Variants in TMEM229B observed in about 807,000 individuals in gnomAD.
TMEM229B encodes chromosome 14 open reading frame 83.
Under a neutral mutation model 13.7 loss-of-function variants are expected in TMEM229B, and 6 were observed. The ratio of observed to expected loss-of-function variants is 0.44; its 90% CI spans 0.24 to 0.86. The LOEUF (loss-of-function observed/expected upper bound fraction) is 0.86, where lower values mean the gene tolerates loss of function less well. Among genes scored for constraint, TMEM229B ranks in the 40% least tolerant of loss-of-function variants. TMEM229B has a pLI of 0.23. For synonymous variants in TMEM229B, 107 were observed against 102.1 expected (o/e 1.05, Z -0.29); for missense variants, 170 against 236.0 (o/e 0.72, Z 1.83).
chr14:67,495,054 T>A (rs2032313239), intron 1 of TMEM229B, among the ~76,000 whole-genome samples: 1 of 152,216 alleles, frequency 6.6e-6, no homozygotes, highest in Non-Finnish European at 1.5e-5. Flanking sequence ...AACTTTTCTG[T>A]ACATTTGAAA....
In TMEM229B at chr14:67,473,185, C is replaced by G; in HGVS notation, c.*235G>C. ...TGGTACCAACCCCTGAACTGGGCCG[C>G]GATCCATGGACCCTTCCCAATGTCC... On this transcript the variant is annotated 3_prime_UTR_variant, in exon 3 of 3. Transcript: ENST00000554480. This position sits in a 1 kb window ranked among gnomAD's most constrained non-coding sequence, Gnocchi z 6.5. 1 of 564,592 alleles carries G rather than the reference C, an allele frequency of 1.8e-6. No homozygotes were observed. Among genetic ancestry groups the G allele is most frequent in the Non-Finnish European group, 3.1e-6 (1 of 321,306 alleles). The allele number at this position is 564,592 out of a possible 1,614,324, so 35.0% of individuals were successfully genotyped here. A position where few individuals can be genotyped will look rare whatever the true frequency, so the allele number is the denominator to read the frequency against.
chr14:67,483,218 C>T (rs2031690395), intron 2 of TMEM229B, among the ~76,000 whole-genome samples: 1 of 152,062 alleles, frequency 6.6e-6, no homozygotes, highest in Non-Finnish European at 1.5e-5. Context: ...ACCATGTTGG[C>T]CAGGCTGGTC....
At chr14:67,516,933 G>A (rs1025471360), upstream of TMEM229B, among the ~76,000 whole-genome samples, 1 of 152,190 alleles carries the variant, frequency 6.6e-6, no homozygotes, top group African/African-American at 2.4e-5. Flanking sequence ...TTCCTTTTCT[G>A]TAATTTGGAG....
At chr14:67,523,328 A>C (rs1298193362) in intron 1 of TMEM229B, among the ~76,000 whole-genome samples, 1 of 152,052 alleles carries the variant, frequency 6.6e-6, no homozygotes, top group Non-Finnish European at 1.5e-5. Flanking sequence ...ATCTCAAAAA[A>C]AAAAAAAAGA....
intron 1 of TMEM229B, among the ~76,000 whole-genome samples, chr14:67,532,583 T>C (rs1181737265): frequency 6.6e-6 from 1 of 152,126 alleles, no homozygotes; most frequent in Non-Finnish European, 1.5e-5. Context: ...TGGGCCCTCC[T>C]TTAAAATAAC....
chr14:67,528,305 G>A (rs1337310997), intron 1 of TMEM229B, among the ~76,000 whole-genome samples: 2 of 152,178 alleles, frequency 1.3e-5, no homozygotes, highest in East Asian at 3.9e-4. Context: ...GTCTACAGCG[G>A]CCACACATGT....
intron 1 of TMEM229B, among the ~76,000 whole-genome samples, chr14:67,531,908 T>A (rs1434781269): frequency 4.6e-5 from 4 of 86,630 alleles, no homozygotes; most frequent in African/African-American, 2.3e-4. Context: ...AGAACCTATG[T>A]CCAAAAAAAA....
intron 1 of TMEM229B, among the ~76,000 whole-genome samples, chr14:67,502,479 G>A (rs1000573438): frequency 7.6e-6 from 1 of 132,192 alleles, no homozygotes; most frequent in Non-Finnish European, 1.6e-5. Flanking sequence ...TTGAGACTGA[G>A]TTTTGCTTTG....
upstream of TMEM229B, among the ~76,000 whole-genome samples, chr14:67,493,487 C>T (rs555715434): frequency 7.9e-5 from 12 of 152,318 alleles, no homozygotes; most frequent in Middle Eastern, 3.4e-3. Context: ...CTCTCGTGAT[C>T]GTAACTGACA....
chr14:67,486,626 G>C (rs958026764), intron 2 of TMEM229B, among the ~76,000 whole-genome samples: 8 of 152,096 alleles, frequency 5.3e-5, no homozygotes, highest in African/African-American at 1.9e-4. Flanking sequence ...CTTTCTGCTT[G>C]CTACCAACCT....
chr14:67,476,404 T>C (rs1027601217), intron 2 of TMEM229B, among the ~76,000 whole-genome samples: 5 of 151,968 alleles, frequency 3.3e-5, no homozygotes, highest in Admixed American at 3.3e-4. Flanking sequence ...CTGGCCGACA[T>C]GGTGAAACCC....
At position 67,532,298 on chromosome 14, in the gene TMEM229B, C is replaced by A. The variant is rs749715084; in HGVS notation, c.-192+1338G>T. Among the ~76,000 whole-genome samples, 14 of 152,222 alleles carry A rather than the reference C, an allele frequency of 9.2e-5. No homozygotes were observed. In the South Asian group the frequency reaches 2.3e-3, roughly 25 times the overall value. On this transcript the variant is annotated intron_variant, in intron 1 of 2. Coordinates refer to the TMEM229B transcript ENST00000554278. ...TCCAAGGACCATTTGGAGAAACAGG[C>A]GCTGATGGTATTTTGCTTCTGTTCA...
chr14:67,511,030 C>T (rs946358926), intron 1 of TMEM229B, among the ~76,000 whole-genome samples: 2 of 152,104 alleles, frequency 1.3e-5, no homozygotes, highest in Non-Finnish European at 2.9e-5. Context: ...TGGCTGGCAT[C>T]CCTAGCTCCT....
intron 1 of TMEM229B, among the ~76,000 whole-genome samples, chr14:67,498,198 T>C (rs2032466801): frequency 6.6e-6 from 1 of 152,150 alleles, no homozygotes; most frequent in African/African-American, 2.4e-5. Flanking sequence ...CTCATAATCT[T>C]TTATTACCCA....
Position 67,473,386 on chromosome 14 carries a change from T to C in TMEM229B, c.*34A>G. 1.2e-6 allele frequency: 2 copies of C among 1,604,362 alleles called. No homozygotes were observed. The highest frequency in any genetic ancestry group is 1.7e-5 in the Admixed American group (1 of 59,284). On this transcript the variant is annotated 3_prime_UTR_variant, in exon 3 of 3. Transcript: ENST00000554480. The surrounding 1 kb of genome is among the most constrained non-coding windows in gnomAD (Gnocchi z 6.5). ...TTGGTCTCTTTGTCCATGAGTTCCATGAGAGATCCCCAGGCCCCCCACCCG... is the reference window on the plus strand; with the variant it reads ...TTGGTCTCTTTGTCCATGAGTTCCACGAGAGATCCCCAGGCCCCCCACCCG...
chr14:67,489,339 C>A (rs2032058614), upstream of TMEM229B, among the ~76,000 whole-genome samples: 1 of 152,244 alleles, frequency 6.6e-6, no homozygotes. Context: ...CCACCCAAAT[C>A]TCATCCTTAA....
At chr14:67,484,899 A>G (rs910140191) in intron 2 of TMEM229B, among the ~76,000 whole-genome samples, 2 of 152,208 alleles carry the variant, frequency 1.3e-5, no homozygotes, top group Non-Finnish European at 2.9e-5. Context: ...TTTACTTGTC[A>G]TAACTGTTTT....
chr14:67,477,466 A>G (rs1342973303), intron 2 of TMEM229B, among the ~76,000 whole-genome samples: 1 of 152,154 alleles, frequency 6.6e-6, no homozygotes, highest in Non-Finnish European at 1.5e-5. Flanking sequence ...GAATTTCTAC[A>G]GCACTTACTC....
Position 67,470,729 on chromosome 14 carries a change from G to A in TMEM229B, c.*2691C>T, listed in dbSNP as rs2030657007. The A allele has an allele frequency of 6.6e-6, 1 of 152,446 alleles. No homozygotes were observed. The highest frequency in any genetic ancestry group is 6.6e-5 in the Admixed American group (1 of 15,250). 9.4% of individuals were successfully genotyped at this position (152,446 alleles called of 1,614,324 possible). ...TGTGACTCACTGGCATTGAAGAGGGGACAGGGCACATGGGATGCCTAGCAG... is the reference window on the plus strand; with the variant it reads ...TGTGACTCACTGGCATTGAAGAGGGAACAGGGCACATGGGATGCCTAGCAG... On this transcript the variant is annotated 3_prime_UTR_variant, in exon 3 of 3. Coordinates refer to ENST00000554480, the MANE Select transcript of TMEM229B (RefSeq NM_001348543.2).
Sources: allele counts gnomAD v4.1 joint callset (sites outside exome capture counted in the v4.1 genomes callset), GRCh38; gene constraint gnomAD v4.1.1; non-coding constraint Gnocchi (gnomAD v3.1); transcripts MANE v1.5; gene names NCBI Gene and HGNC (gene_info 2026-07-23, HGNC 2026-07-21).